THNSL1: variants seen among roughly 807,000 people sequenced by gnomAD.
THNSL1 encodes the protein threonine synthase like 1.
A neutral mutation model predicts 50.4 loss-of-function variants in THNSL1; 48 were observed. That is an observed-to-expected ratio of 0.95 (90% CI 0.76 to 1.21). The LOEUF (loss-of-function observed/expected upper bound fraction) is 1.21, where lower values mean the gene tolerates loss of function less well. Ranked by LOEUF, THNSL1 falls within the 50% of genes most tolerant of loss-of-function variation. The pLI is 0.00. For missense variants in THNSL1, 896 were observed against 871.7 expected, an observed-to-expected ratio of 1.03 and a Z score of -0.35; for synonymous variants, 309 against 306.1, an observed-to-expected ratio of 1.01 and a Z score of -0.10.
At chr10:24,982,721 G>T in the THNSL1 span, 2 of 152,192 alleles carry the variant, frequency 1.3e-5, no homozygotes, top group African/African-American at 4.8e-5. Flanking sequence ...TCCCGTGGTA[G>T]GGATCACCTT....
chr10:25,012,855 A>T (rs1270081360), upstream of THNSL1, among the ~76,000 whole-genome samples: 7 of 152,176 alleles, frequency 4.6e-5, no homozygotes, highest in Non-Finnish European at 1.0e-4. Context: ...AAATGTGAGG[A>T]CATGAGATCT....
At chr10:24,991,762 C>T in the THNSL1 span, among the ~76,000 whole-genome samples, 1 of 152,224 alleles carries the variant, frequency 6.6e-6, no homozygotes, top group Non-Finnish European at 1.5e-5. Flanking sequence ...TACAGAAAGT[C>T]CTTTGGAAGC....
chr10:25,024,058 G>A lies in THNSL1; in HGVS notation c.835G>A (p.Glu279Lys), dbSNP rs1486379455. Residue 279 changes from glutamate to lysine, a missense_variant, in exon 3 of 3, where the codon GAG becomes AAG. Physicochemically the swap from Glu to Lys is moderately conservative, Grantham distance 56. Transcript: ENST00000376356. ...GGAGTTTCCAAAATTAAGCTGCGGG[G>A]AGTGGAAAAGCCTAGTAGGAGCAAC... ...AKEFPKLSCG[E>K]WKSLVGATYV... The A allele has an allele frequency of 6.2e-7, 1 of 1,614,070 alleles. No homozygotes were observed. Among genetic ancestry groups the A allele is most frequent in the African/African-American group, 1.3e-5 (1 of 74,936 alleles).
In THNSL1 at chr10:25,024,380, T is replaced by C. The variant is rs140014237; in HGVS notation, c.1157T>C (p.Val386Ala). The C allele has an allele frequency of 3.8e-5, 62 of 1,613,998 alleles. No homozygotes were observed. The African/African-American group carries it at 7.2e-4, about 19-fold the overall frequency. The change falls in exon 3 of 3, where the codon GTC becomes GCC. Residue 386 changes from valine to alanine, a missense_variant. Val to Ala is a moderately conservative substitution (Grantham distance 64, BLOSUM62 0). Coordinates refer to ENST00000376356, the MANE Select transcript of THNSL1 (RefSeq NM_024838.5). The stretch of plus-strand genomic sequence containing the variant: ...ACTTCAGGAGACACAGGGAGTGCAG[T>C]CTTAAATGGTTTTAGTCGTCTAAAT... ...VATSGDTGSA[V>A]LNGFSRLNKN...
chr10:24,995,143 A>AAAACCT, the THNSL1 span, among the ~76,000 whole-genome samples: 879 of 152,326 alleles, frequency 5.8e-3, 6 homozygotes, highest in Middle Eastern at 0.02. Context: ...ACCCAAAACC[A>AAAACCT]AAACCAAATA....
the THNSL1 span, among the ~76,000 whole-genome samples, chr10:24,998,204 A>T: frequency 2.0e-5 from 3 of 152,116 alleles, no homozygotes; most frequent in African/African-American, 7.2e-5. Context: ...CGGGCTTGAG[A>T]TGTTGCATTA....
chr10:25,016,428 G>C (rs915713239), upstream of THNSL1, among the ~76,000 whole-genome samples: 1 of 152,238 alleles, frequency 6.6e-6, no homozygotes, highest in African/African-American at 2.4e-5. Context: ...CACCCAATAA[G>C]GTTTTTGTGA....
chr10:24,988,804 A>C, the THNSL1 span, among the ~76,000 whole-genome samples: 4 of 150,602 alleles, frequency 2.7e-5, no homozygotes, highest in Non-Finnish European at 3.0e-5. Flanking sequence ...CTGTTATTTT[A>C]TGAAGAATGA....
chr10:24,971,660 A>G, the THNSL1 span, among the ~76,000 whole-genome samples: 3 of 152,364 alleles, frequency 2.0e-5, no homozygotes, highest in East Asian at 5.8e-4. Flanking sequence ...ATTTTAAAAA[A>G]GGTAACATCT....
the THNSL1 span, among the ~76,000 whole-genome samples, chr10:24,977,989 C>G: frequency 1.3e-5 from 2 of 151,974 alleles, no homozygotes; most frequent in African/African-American, 2.4e-5. Context: ...GCAGTTTTAA[C>G]AAAAAAATAT....
the THNSL1 span, among the ~76,000 whole-genome samples, chr10:24,965,170 C>T: frequency 6.6e-6 from 1 of 152,152 alleles, no homozygotes; most frequent in East Asian, 1.9e-4. Flanking sequence ...TCTACCATGT[C>T]CTGCCTCTGT....
chr10:25,025,590 C>T lies in THNSL1; in HGVS notation c.*135C>T. The T allele has an allele frequency of 1.2e-6, 1 of 860,202 alleles. No individual in the cohort carries two copies. The allele number at this position is 860,202 out of a possible 1,614,324, so 53.3% of individuals were successfully genotyped here. A position where few individuals can be genotyped will look rare whatever the true frequency, so the allele number is the denominator to read the frequency against. On this transcript the variant is annotated 3_prime_UTR_variant, in exon 3 of 3. Coordinates refer to ENST00000376356, the MANE Select transcript of THNSL1 (RefSeq NM_024838.5). Reference sequence around the variant, plus strand: ...CTGTTTGGAATTTCAAAAGTCTGATCTCTAGGGCTGACATGAGAACTCCAT... The same window carrying T: ...CTGTTTGGAATTTCAAAAGTCTGATTTCTAGGGCTGACATGAGAACTCCAT...
the THNSL1 span, among the ~76,000 whole-genome samples, chr10:24,952,971 G>A: frequency 6.6e-6 from 1 of 152,002 alleles, no homozygotes; most frequent in Non-Finnish European, 1.5e-5. The surrounding 1 kb of genome is among the most constrained non-coding windows in gnomAD (Gnocchi z 5.1). Context: ...GGAAGAGAAC[G>A]TGTCCCCCAG....
At chr10:24,964,428 T>C in the THNSL1 span, among the ~76,000 whole-genome samples, 6 of 152,142 alleles carry the variant, frequency 3.9e-5, no homozygotes, top group African/African-American at 7.2e-5. Flanking sequence ...ATAAAAAACA[T>C]AAACACAAAG....
At chr10:24,956,354 T>C in the THNSL1 span, among the ~76,000 whole-genome samples, 1 of 152,142 alleles carries the variant, frequency 6.6e-6, no homozygotes, top group Non-Finnish European at 1.5e-5. Context: ...TTGAAAGAGC[T>C]ATAAGAATAA....
the THNSL1 span, among the ~76,000 whole-genome samples, chr10:24,999,090 TG>T: frequency 6.6e-6 from 1 of 152,328 alleles, no homozygotes; most frequent in African/African-American, 2.4e-5. Flanking sequence ...ATACTGTCCC[TG>T]GGGTCTTGAC....
chr10:25,024,054 C>T lies in THNSL1; in HGVS notation c.831C>T (p.Cys277=), dbSNP rs139320391. The T allele has an allele frequency of 4.8e-4, 770 of 1,614,064 alleles. 2 individuals are homozygous for T. The highest frequency in any genetic ancestry group is 6.8e-4 in the Admixed American group (41 of 60,010). ...CAAAGGAGTTTCCAAAATTAAGCTG[C>T]GGGGAGTGGAAAAGCCTAGTAGGAG... ...VPAKEFPKLS[C]GEWKSLVGAT... Residue 277 remains cysteine, a synonymous_variant, in exon 3 of 3, where the codon TGC becomes TGT. Coordinates refer to ENST00000376356, the MANE Select transcript of THNSL1 (RefSeq NM_024838.5).
chr10:24,989,884 C>T, the THNSL1 span, among the ~76,000 whole-genome samples: 110 of 152,244 alleles, frequency 7.2e-4, no homozygotes, highest in Admixed American at 3.5e-3. Flanking sequence ...GAAACTCTTA[C>T]ACCCCCTAAT....
the THNSL1 span, chr10:24,952,640 G>A: frequency 2.0e-3 from 2,709 of 1,351,578 alleles, 4 homozygotes; most frequent in Non-Finnish European, 2.5e-3. This position sits in a 1 kb window ranked among gnomAD's most constrained non-coding sequence, Gnocchi z 5.1. Context: ...CGAAGGCTGC[G>A]TGGGGGATGG....
Sources: gnomAD v4.1 joint callset for allele counts (sites outside exome capture counted in the v4.1 genomes callset) on GRCh38, gnomAD v4.1.1 for gene constraint, Gnocchi (gnomAD v3.1) non-coding constraint, MANE v1.5 for transcripts, NCBI Gene and HGNC (gene_info 2026-07-23, HGNC 2026-07-21) for gene names.